The following TPCN2 variants were observed in gnomAD, a reference collection of about 807,000 sequenced individuals.
The protein encoded by TPCN2 is two pore channel protein 2.
In TPCN2, 92 loss-of-function variants were observed where a neutral mutation model predicts 111.4. That is an observed-to-expected ratio of 0.83 (90% CI 0.70 to 0.98). The LOEUF (loss-of-function observed/expected upper bound fraction) is 0.98, where lower values mean the gene tolerates loss of function less well. Ranked by LOEUF, TPCN2 falls within the 50% of genes least tolerant of loss-of-function variation. The pLI is 0.00. For synonymous variants in TPCN2, 405 were observed against 414.5 expected, an observed-to-expected ratio of 0.98 and a Z score of 0.28; for missense variants, 995 against 980.1, an observed-to-expected ratio of 1.02 and a Z score of -0.20.
In TPCN2 at chr11:69,088,009, G is replaced by C; in HGVS notation, c.*56G>C. 6.6e-7 allele frequency: 1 copy of C among 1,504,060 alleles called. No homozygotes were observed. Among genetic ancestry groups the C allele is most frequent in the Non-Finnish European group, 9.0e-7 (1 of 1,108,490 alleles). The allele number at this position is 1,504,060 out of a possible 1,614,324, so 93.2% of individuals were successfully genotyped here. ...AGGAGAGAGAGGCTGGCCTACACAGGTGCCCGTCATGGAAGAGGCGGCCAT... is the reference window on the plus strand; with the variant it reads ...AGGAGAGAGAGGCTGGCCTACACAGCTGCCCGTCATGGAAGAGGCGGCCAT... On this transcript the variant is annotated 3_prime_UTR_variant, in exon 25 of 25. Transcript: ENST00000294309.
intron 4 of TPCN2, among the ~76,000 whole-genome samples, chr11:69,056,688 A>G (rs1854786560): frequency 6.7e-6 from 1 of 148,980 alleles, no homozygotes; most frequent in African/African-American, 2.5e-5. Context: ...GCGTGCCACC[A>G]CGCCTGGCTA....
intron 10 of TPCN2, 78 bp from the exon 11 acceptor site, chr11:69,071,845 T>A: frequency 7.3e-7 from 1 of 1,373,902 alleles, no homozygotes; most frequent in Non-Finnish European, 1.0e-6. Context: ...CTCTGCCTGT[T>A]CCCCAGGGGA....
At chr11:69,079,796 T>C (rs1393427706) in intron 16 of TPCN2, 38 bp from the exon 17 acceptor site, 1 of 1,601,188 alleles carries the variant, frequency 6.2e-7, no homozygotes, top group Non-Finnish European at 8.6e-7. Context: ...CAGATTAGTG[T>C]TGCTGTAGCG....
rs370469418 is a variant in TPCN2 at position 69,072,718 on chromosome 11, C to T, written c.1143+10C>T. The T allele has an allele frequency of 3.7e-6, 6 of 1,613,396 alleles. No homozygotes were observed. Among genetic ancestry groups the T allele is most frequent in the Non-Finnish European group, 4.2e-6 (5 of 1,179,974 alleles). ...ACAGGCCATGATGGAGGTACCCGCC[C>T]CCTGCTCCCAGCCTCCTCTGGGCTC... On this transcript the variant is annotated intron_variant, in intron 12 of 24. Coordinates refer to ENST00000294309, the MANE Select transcript of TPCN2 (RefSeq NM_139075.4).
At chr11:69,084,859 G>A in intron 19 of TPCN2, 1 of 955,308 alleles carries the variant, frequency 1.0e-6, no homozygotes. Flanking sequence ...GACCAGGTTA[G>A]CCCAGGCGTG....
At chr11:69,077,099 C>G (rs796613826) in intron 13 of TPCN2, among the ~76,000 whole-genome samples, 85 of 3,458 alleles carry the variant, frequency 0.025, no homozygotes, top group Non-Finnish European at 0.04. Flanking sequence ...TGCCATGTCC[C>G]TCCACTTGCC....
chr11:69,087,409 G>T (rs946796312), intron 24 of TPCN2, among the ~76,000 whole-genome samples: 34 of 152,214 alleles, frequency 2.2e-4, no homozygotes, highest in Non-Finnish European at 1.6e-4. Flanking sequence ...TGGCGTCATA[G>T]CCTTTGTCCT....
intron 15 of TPCN2, 22 bp from the exon 16 acceptor site, chr11:69,078,870 G>T: frequency 6.2e-7 from 1 of 1,614,030 alleles, no homozygotes; most frequent in South Asian, 1.1e-5. Context: ...CCAATGCTGG[G>T]TGCCTCTTCT....
At chr11:69,050,125 C>G (rs1861155140) in intron 1 of TPCN2, among the ~76,000 whole-genome samples, 1 of 152,214 alleles carries the variant, frequency 6.6e-6, no homozygotes, top group African/African-American at 2.4e-5. Flanking sequence ...AGGAGGGGAC[C>G]CTGACGAGAG....
In TPCN2 at chr11:69,088,629, G is replaced by A. The variant is rs1856364189; in HGVS notation, c.*676G>A. On this transcript the variant is annotated 3_prime_UTR_variant, in exon 25 of 25. Transcript: ENST00000294309. ...GGCTGTGAGGTGTATCCTGGCGGGG[G>A]GCTGTCTACCTGCAGTGAGGGGCAC... 1 of 152,484 alleles carries A rather than the reference G, an allele frequency of 6.6e-6. No individual in the cohort carries two copies. Among genetic ancestry groups the A allele is most frequent in the Non-Finnish European group, 1.5e-5 (1 of 68,320 alleles). The allele number at this position is 152,484 out of a possible 1,614,324, so 9.4% of individuals were successfully genotyped here.
At position 69,070,496 on chromosome 11, in the gene TPCN2, G is replaced by A. The variant is rs1197074783; in HGVS notation, c.895+1G>A. 2 of 1,603,470 alleles carry A rather than the reference G, an allele frequency of 1.2e-6. No homozygotes were observed. The highest frequency in any genetic ancestry group is 1.7e-6 in the Non-Finnish European group (2 of 1,175,380). On this transcript the variant is annotated splice_donor_variant, in intron 9 of 24. Coordinates refer to ENST00000294309, the MANE Select transcript of TPCN2 (RefSeq NM_139075.4). LOFTEE classifies it high-confidence loss of function. ...TTCTTCATAGTCTTCACTGTGATAGGTGAGTGCAGGTAACGTGGCCAGCAT... is the reference window on the plus strand; with the variant it reads ...TTCTTCATAGTCTTCACTGTGATAGATGAGTGCAGGTAACGTGGCCAGCAT...
chr11:69,071,347 C>G lies in TPCN2; in HGVS notation c.896-9C>G, dbSNP rs746380781. On this transcript the variant is annotated splice_polypyrimidine_tract_variant and intron_variant, in intron 9 of 24. Transcript: ENST00000294309. ...TGGCGCCCCTGACCGTGGCTGTCTC[C>G]TCTTGAAGGAAGCCTGTTTCTGATG... 1.5e-5 allele frequency: 25 copies of G among 1,613,178 alleles called. No homozygotes were observed. Among genetic ancestry groups the G allele is most frequent in the Admixed American group, 3.3e-5 (2 of 59,944 alleles).
chr11:69,079,567 A>G (rs1042862273), intron 16 of TPCN2: 2 of 432,552 alleles, frequency 4.6e-6, no homozygotes, highest in Non-Finnish European at 8.2e-6. Flanking sequence ...AGGGCCCTGC[A>G]GTCTGTCCTT....
chr11:69,086,655 T>A lies in TPCN2; in HGVS notation c.2085+51T>A, dbSNP rs375083228. On this transcript the variant is annotated intron_variant, in intron 23 of 24. Coordinates refer to ENST00000294309, the MANE Select transcript of TPCN2 (RefSeq NM_139075.4). ...TTCTCCATGGTCGTTTGTTTCTAATTCACTCTCGATGGGCCTGAGGCCACC... is the reference window on the plus strand; with the variant it reads ...TTCTCCATGGTCGTTTGTTTCTAATACACTCTCGATGGGCCTGAGGCCACC... 5.1e-6 allele frequency: 8 copies of A among 1,564,294 alleles called. No homozygotes were observed. The African/African-American group carries it at 9.5e-5, about 19-fold the overall frequency.
At chr11:69,064,119 T>A (rs1855153016) in intron 7 of TPCN2, 152 bp downstream of exon 7, 1 of 748,898 alleles carries the variant, frequency 1.3e-6, no homozygotes, top group Admixed American at 2.1e-5. Flanking sequence ...GGAGTCTGCC[T>A]TTGGGTGGCC....
At chr11:69,072,227 C>T (rs1220533081) in intron 11 of TPCN2, among the ~76,000 whole-genome samples, 1 of 58,154 alleles carries the variant, frequency 1.7e-5, no homozygotes, top group Non-Finnish European at 5.8e-5. Flanking sequence ...TGTCTTCGTG[C>T]CCCCCGGGGA....
intron 13 of TPCN2, among the ~76,000 whole-genome samples, chr11:69,075,246 C>G (rs1430508760): frequency 6.6e-6 from 1 of 152,176 alleles, no homozygotes; most frequent in African/African-American, 2.4e-5. Flanking sequence ...ATAATGCTGA[C>G]TGTAGAGGGG....
intron 1 of TPCN2, among the ~76,000 whole-genome samples, chr11:69,051,038 C>T (rs188626085): frequency 6.6e-6 from 1 of 152,350 alleles, no homozygotes; most frequent in East Asian, 1.9e-4. Context: ...ATGGAGACTC[C>T]GAAAGGCTCA....
chr11:69,072,113 C>A, intron 11 of TPCN2, 90 bp downstream of exon 11: 3 of 1,132,692 alleles, frequency 2.6e-6, no homozygotes, highest in Non-Finnish European at 3.8e-6. Context: ...GCTTCTTGTG[C>A]TTGGCCTGTG....
Sources: allele counts gnomAD v4.1 joint callset (sites outside exome capture counted in the v4.1 genomes callset), GRCh38; gene constraint gnomAD v4.1.1; transcripts MANE v1.5; gene names NCBI Gene and HGNC (gene_info 2026-07-23, HGNC 2026-07-21).